NDST4: variants seen among roughly 807,000 people sequenced by gnomAD.
NDST4 encodes N-deacetylase and N-sulfotransferase 4.
In NDST4, 63 loss-of-function variants were observed where a neutral mutation model predicts 100.8. The observed-to-expected ratio is 0.62, with a 90% confidence interval of 0.51 to 0.77. The LOEUF (loss-of-function observed/expected upper bound fraction) is 0.77. NDST4 is among the 30% of genes least tolerant of loss of function. The pLI is 0.00. For synonymous variants in NDST4, 377 were observed against 361.8 expected (o/e 1.04, Z -0.48); for missense variants, 943 against 1,018.4 (o/e 0.93, Z 1.01).
intron 4 of NDST4, among the ~76,000 whole-genome samples, chr4:114,946,912 T>C (rs1488106839): frequency 6.6e-6 from 1 of 152,214 alleles, no homozygotes; most frequent in Non-Finnish European, 1.5e-5. Flanking sequence ...ATTTTTATTT[T>C]GTTACCATTG....
At chr4:114,917,390 G>A (rs1356412263) in intron 6 of NDST4, among the ~76,000 whole-genome samples, 1 of 152,136 alleles carries the variant, frequency 6.6e-6, no homozygotes, top group Admixed American at 6.5e-5. Context: ...TCTAGTTATT[G>A]CTGCTAAAAT....
intron 2 of NDST4, among the ~76,000 whole-genome samples, chr4:115,022,419 C>CATAT (rs76015680): frequency 1.3e-4 from 2 of 15,716 alleles, no homozygotes; most frequent in East Asian, 3.2e-3. Flanking sequence ...ATATGTGTTC[C>CATAT]ATATATATGT....
At chr4:115,067,711 T>C (rs953202798) in intron 2 of NDST4, among the ~76,000 whole-genome samples, 1 of 151,024 alleles carries the variant, frequency 6.6e-6, no homozygotes, top group Non-Finnish European at 1.5e-5. Flanking sequence ...TTCTTAAATA[T>C]AGTAACCTTA....
chr4:114,918,667 C>T (rs1351372371), intron 6 of NDST4, among the ~76,000 whole-genome samples: 3 of 152,104 alleles, frequency 2.0e-5, no homozygotes, highest in Non-Finnish European at 2.9e-5. Flanking sequence ...CCTCCCCTGA[C>T]CATTTGAAAG....
intron 2 of NDST4, among the ~76,000 whole-genome samples, chr4:114,996,932 T>C (rs1026776037): frequency 1.3e-5 from 2 of 152,118 alleles, no homozygotes; most frequent in African/African-American, 4.8e-5. Flanking sequence ...TTTACTCAAA[T>C]GAGTTCATAA....
intron 2 of NDST4, among the ~76,000 whole-genome samples, chr4:115,050,176 T>C (rs191321864): frequency 6.6e-6 from 1 of 152,282 alleles, no homozygotes; most frequent in East Asian, 1.9e-4. Context: ...GTTTTATTCT[T>C]GTGTAGGCAG....
At chr4:114,860,620 G>A (rs1454996993) in intron 7 of NDST4, among the ~76,000 whole-genome samples, 1 of 152,160 alleles carries the variant, frequency 6.6e-6, no homozygotes. Flanking sequence ...GTATCAGTCT[G>A]AGCCCCTAGG....
intron 1 of NDST4, among the ~76,000 whole-genome samples, chr4:115,108,823 C>T (rs1241119928): frequency 1.3e-5 from 2 of 151,952 alleles, no homozygotes; most frequent in East Asian, 1.9e-4. Context: ...ATTTTCCCCA[C>T]TTACTCTGTG....
rs138118422 is a variant in NDST4 at position 115,101,541 on chromosome 4, C to A, written c.-247+11903G>T. Among the ~76,000 whole-genome samples, 9 of 151,920 alleles carry A rather than the reference C, an allele frequency of 5.9e-5. No homozygotes were observed. In the South Asian group the frequency reaches 6.2e-4, roughly 11 times the overall value. ...GTGGAAGAGGGTAGTAGAAGCTGTA[C>A]GTAAATAATATAAAAATAAATATTT... On this transcript the variant is annotated intron_variant, in intron 1 of 13. Transcript: ENST00000264363.
At chr4:114,915,930 G>A (rs905818379) in intron 6 of NDST4, among the ~76,000 whole-genome samples, 2 of 152,040 alleles carry the variant, frequency 1.3e-5, no homozygotes, top group African/African-American at 2.4e-5. Flanking sequence ...ACTTAAAATC[G>A]TAATATTCTC....
At chr4:115,102,127 T>C (rs923738892) in intron 1 of NDST4, among the ~76,000 whole-genome samples, 2 of 152,218 alleles carry the variant, frequency 1.3e-5, no homozygotes, top group Admixed American at 1.3e-4. Flanking sequence ...CATCAACTGA[T>C]AATTGCTTTG....
At chr4:115,102,529 C>T (rs931287217) in intron 1 of NDST4, among the ~76,000 whole-genome samples, 5 of 151,844 alleles carry the variant, frequency 3.3e-5, no homozygotes, top group Admixed American at 6.6e-5. Context: ...ACATTAATAT[C>T]CATAGTCTCT....
At chr4:114,900,596 C>A (rs916611303) in intron 6 of NDST4, among the ~76,000 whole-genome samples, 1 of 152,080 alleles carries the variant, frequency 6.6e-6, no homozygotes, top group Non-Finnish European at 1.5e-5. Context: ...TTCAGCTCAG[C>A]AATATGCTGT....
At chr4:115,046,201 C>A (rs932623198) in intron 2 of NDST4, among the ~76,000 whole-genome samples, 2 of 152,128 alleles carry the variant, frequency 1.3e-5, no homozygotes, top group African/African-American at 4.8e-5. Flanking sequence ...GTATCTCCTT[C>A]TTCCTTGGCT....
At chr4:114,970,948 T>G (rs1249029390) in intron 3 of NDST4, among the ~76,000 whole-genome samples, 1 of 152,166 alleles carries the variant, frequency 6.6e-6, no homozygotes, top group Non-Finnish European at 1.5e-5. Context: ...TTTTAACTCA[T>G]AACATTTGTT....
intron 1 of NDST4, among the ~76,000 whole-genome samples, chr4:115,085,314 G>A (rs931314886): frequency 6.6e-6 from 1 of 152,116 alleles, no homozygotes; most frequent in Non-Finnish European, 1.5e-5. Flanking sequence ...TAAACAGAAG[G>A]GACTTGCCTT....
intron 8 of NDST4, 82 bp downstream of exon 8, chr4:114,852,643 C>A: frequency 2.8e-6 from 2 of 726,786 alleles, no homozygotes; most frequent in Middle Eastern, 2.9e-4. Flanking sequence ...AAAGAAAAAT[C>A]TAATCTGATA....
chr4:114,846,095 C>A, intron 9 of NDST4, 98 bp from the exon 10 acceptor site: 1 of 912,892 alleles, frequency 1.1e-6, no homozygotes, highest in Non-Finnish European at 1.6e-6. Context: ...TCATTTATAG[C>A]TATTTCTGAT....
intron 7 of NDST4, among the ~76,000 whole-genome samples, chr4:114,859,983 T>G (rs977608361): frequency 2.6e-5 from 4 of 152,214 alleles, no homozygotes; most frequent in African/African-American, 9.6e-5. Flanking sequence ...AAAGGCACTC[T>G]TGACTCAAAT....
Sources: gnomAD v4.1 joint callset for allele counts (sites outside exome capture counted in the v4.1 genomes callset) on GRCh38, gnomAD v4.1.1 for gene constraint, MANE v1.5 for transcripts, NCBI Gene and HGNC (gene_info 2026-07-23, HGNC 2026-07-21) for gene names.